The following TNS3 variants were observed in gnomAD, a reference collection of about 807,000 sequenced individuals.
TNS3 encodes tensin 3.
A neutral mutation model predicts 140.9 loss-of-function variants in TNS3; 45 were observed. The ratio of observed to expected loss-of-function variants is 0.32; its 90% CI spans 0.25 to 0.41. The LOEUF (loss-of-function observed/expected upper bound fraction) is 0.41. Ranked by LOEUF, TNS3 falls within the 10% of genes least tolerant of loss-of-function variation. The pLI, the probability that TNS3 is intolerant of heterozygous loss-of-function variation, is 1.00. For missense variants in TNS3, 1,716 were observed against 1,906.7 expected (o/e 0.90, Z 1.86); for synonymous variants, 815 against 788.4 (o/e 1.03, Z -0.56).
rs1445903073 is a variant in TNS3 at position 47,470,934 on chromosome 7, G to GTGTGTTT, written c.-76+10162_-76+10168dup. Among the ~76,000 whole-genome samples, 3 of 151,524 alleles carry GTGTGTTT rather than the reference G, an allele frequency of 2.0e-5. No homozygotes were observed. In the East Asian group the frequency reaches 5.8e-4, roughly 29 times the overall value. On this transcript the variant is annotated intron_variant, in intron 4 of 30. Transcript: ENST00000311160. Reference sequence around the variant, plus strand: ...GCTTGTGTGAGGCTCACATTGACGGGTGTGTTTTGTTTTTTGTTTTTTTTT... The same window carrying GTGTGTTT: ...GCTTGTGTGAGGCTCACATTGACGGGTGTGTTTTGTGTTTTGTTTTTTGTTTTTTTTT...
chr7:47,474,016 CAG>C (rs139315979), intron 4 of TNS3, among the ~76,000 whole-genome samples: 2,759 of 152,134 alleles, frequency 0.018, 69 homozygotes, highest in African/African-American at 0.063. Context: ...GACTTCCTGA[CAG>C]TCACATCTGT....
At position 47,528,381 on chromosome 7, in the gene TNS3, C is replaced by T. The variant is rs577821017; in HGVS notation, c.-153+655G>A. Among the ~76,000 whole-genome samples the T allele has an allele frequency of 2.6e-5, 4 of 152,188 alleles. No individual in the cohort carries two copies. The South Asian group carries it at 8.3e-4, about 32-fold the overall frequency. On this transcript the variant is annotated intron_variant, in intron 2 of 30. Coordinates refer to ENST00000311160, the MANE Select transcript of TNS3 (RefSeq NM_022748.12). ...CTCTGCACATTTTCTAGAGGAAATC[C>T]CCAACCCCGCAGATGAAATGATGCC...
At position 47,369,408 on chromosome 7, in the gene TNS3, G is replaced by A; in HGVS notation, c.1238C>T (p.Thr413Ile). Residue 413 changes from threonine to isoleucine, a missense_variant, in exon 17 of 31, where the codon ACC becomes ATC. By Grantham distance (89) the Thr-to-Ile change is moderately conservative. This residue lies in a region of TNS3 where 1,163 missense variants were observed against 1,182.1 expected (regional missense o/e 0.98). Transcript: ENST00000311160. ...DKTEERLAPG[T>I]RRGLSAQEKA... ...CTCCTGGGCACTCAGGCCCCTCCTG[G>A]TTCCTGGGGCCAGGCGCTCTTCCGT... 6.2e-7 allele frequency: 1 copy of A among 1,614,042 alleles called. No homozygotes were observed. The highest frequency in any genetic ancestry group is 8.5e-7 in the Non-Finnish European group (1 of 1,179,978).
chr7:47,462,442 G>A (rs1796528678), intron 4 of TNS3, among the ~76,000 whole-genome samples: 1 of 152,186 alleles, frequency 6.6e-6, no homozygotes, highest in African/African-American at 2.4e-5. Context: ...ATCAGTTCGT[G>A]AAAACACTGT....
At position 47,275,475 on chromosome 7, in the gene TNS3, C is replaced by T. The variant is rs1310200041; in HGVS notation, c.*2601G>A. The T allele has an allele frequency of 2.2e-5, 6 of 268,230 alleles. No individual in the cohort carries two copies. In the East Asian group the frequency reaches 6.2e-4, roughly 28 times the overall value. 16.6% of individuals were successfully genotyped at this position (268,230 alleles called of 1,614,324 possible). On this transcript the variant is annotated 3_prime_UTR_variant, in exon 31 of 31. Coordinates refer to ENST00000311160, the MANE Select transcript of TNS3 (RefSeq NM_022748.12). ...AGTTCGTGAACTCTCCGCATTTACT[C>T]CCCAGGGCAGTACGTGCCTGTCCAG...
intron 24 of TNS3, among the ~76,000 whole-genome samples, chr7:47,296,244 G>T (rs908741545): frequency 6.6e-6 from 1 of 152,148 alleles, no homozygotes; most frequent in Non-Finnish European, 1.5e-5. Flanking sequence ...ATTTTCATAA[G>T]ATAGAAAGCC....
At chr7:47,278,461 G>A in intron 30 of TNS3, 1 of 510,168 alleles carries the variant, frequency 2.0e-6, no homozygotes, top group Non-Finnish European at 3.5e-6. Flanking sequence ...AGAGGTGAGT[G>A]CCCTGTCCAC....
In TNS3 at chr7:47,411,857, G is replaced by T. The variant is rs1793791469; in HGVS notation, c.648-55C>A. 3.9e-6 allele frequency: 6 copies of T among 1,554,314 alleles called. No homozygotes were observed. In the East Asian group the frequency reaches 9.3e-5, roughly 24 times the overall value. ...ATGCAACTTCATGATTTTGTGGGAA[G>T]AATACATGTAGAGAAAAGCAACCCT... On this transcript the variant is annotated intron_variant, in intron 12 of 30. Coordinates refer to ENST00000311160, the MANE Select transcript of TNS3 (RefSeq NM_022748.12).
intron 16 of TNS3, among the ~76,000 whole-genome samples, chr7:47,375,307 AC>A (rs1328449029): frequency 1.3e-5 from 2 of 151,892 alleles, no homozygotes; most frequent in African/African-American, 4.8e-5. Context: ...AGCATCAAGG[AC>A]CTCCCCTCCC....
At chr7:47,402,632 T>C (rs1432679392) in intron 13 of TNS3, among the ~76,000 whole-genome samples, 1 of 152,166 alleles carries the variant, frequency 6.6e-6, no homozygotes, top group Non-Finnish European at 1.5e-5. Flanking sequence ...TGGGGCATAT[T>C]GTAGAGATCC....
In TNS3 at chr7:47,276,468, C is replaced by T. The variant is rs528696751; in HGVS notation, c.*1608G>A. 2.6e-5 allele frequency: 4 copies of T among 152,384 alleles called. No homozygotes were observed. Among genetic ancestry groups the T allele is most frequent in the African/African-American group, 9.6e-5 (4 of 41,570 alleles). The allele number at this position is 152,384 out of a possible 1,614,324, so 9.4% of individuals were successfully genotyped here. ...AGCTCCCTGACAGGAGCTTGTGACA[C>T]CAGTGTGGCCTAAGAATGGGGGATT... On this transcript the variant is annotated 3_prime_UTR_variant, in exon 31 of 31. Coordinates refer to ENST00000311160, the MANE Select transcript of TNS3 (RefSeq NM_022748.12).
chr7:47,383,664 T>C (rs569553037), intron 16 of TNS3, among the ~76,000 whole-genome samples: 2 of 152,258 alleles, frequency 1.3e-5, no homozygotes, highest in South Asian at 4.2e-4. Context: ...GCACATGCAC[T>C]CAGGTTTTAT....
chr7:47,569,587 C>T (rs1372740491), intron 1 of TNS3, among the ~76,000 whole-genome samples: 1 of 151,806 alleles, frequency 6.6e-6, no homozygotes, highest in African/African-American at 2.4e-5. Context: ...GGCGTGGTGG[C>T]TCACGTCTGT....
intron 3 of TNS3, among the ~76,000 whole-genome samples, chr7:47,498,000 G>A (rs541644915): frequency 5.9e-5 from 9 of 152,266 alleles, no homozygotes; most frequent in East Asian, 1.9e-4. Context: ...TCTCTCCTCC[G>A]TGACACCCCT....
At chr7:47,300,641 G>GC (rs1247236276) in intron 23 of TNS3, among the ~76,000 whole-genome samples, 2 of 152,250 alleles carry the variant, frequency 1.3e-5, no homozygotes, top group Non-Finnish European at 2.9e-5. Context: ...GGGGCATCCA[G>GC]CCCCACACAT....
intron 16 of TNS3, among the ~76,000 whole-genome samples, chr7:47,386,373 G>C (rs1792070190): frequency 6.6e-6 from 1 of 152,194 alleles, no homozygotes; most frequent in South Asian, 2.1e-4. Context: ...TGGGGTCAAT[G>C]GCTTTCCCTG....
At chr7:47,307,131 G>A (rs777468567) in intron 20 of TNS3, among the ~76,000 whole-genome samples, 10 of 152,178 alleles carry the variant, frequency 6.6e-5, no homozygotes, top group Non-Finnish European at 1.3e-4. Flanking sequence ...TCATGATTGA[G>A]ATAATTAACA....
chr7:47,361,206 CAAAA>C (rs56823708), intron 17 of TNS3, among the ~76,000 whole-genome samples: 5 of 47,154 alleles, frequency 1.1e-4, no homozygotes, highest in East Asian at 5.9e-4. Context: ...GTAACCATGC[CAAAA>C]AAAAAAAAAA....
chr7:47,527,804 T>A (rs531809661), intron 2 of TNS3, among the ~76,000 whole-genome samples: 3 of 150,952 alleles, frequency 2.0e-5, no homozygotes, highest in East Asian at 2.0e-4. Flanking sequence ...GCTACTGGAG[T>A]GGCTGAGGTG....
Sources: gnomAD v4.1 joint callset for allele counts (sites outside exome capture counted in the v4.1 genomes callset) on GRCh38, gnomAD v4.1.1 for gene constraint, gnomAD v4.1.1 regional missense constraint, MANE v1.5 for transcripts, NCBI Gene and HGNC (gene_info 2026-07-23, HGNC 2026-07-21) for gene names.